Variants in PCNX2 observed in about 807,000 individuals in gnomAD.
PCNX2 encodes the protein pecanex 2.
PCNX2 carries 168 observed loss-of-function variants against 223.8 expected under a neutral mutation model. The observed-to-expected ratio is 0.75, with a 90% CI of 0.66 to 0.85. PCNX2 has a LOEUF of 0.85. PCNX2 is among the 40% of genes least tolerant of loss of function. PCNX2 has a pLI of 0.00. For synonymous variants in PCNX2, 1,006 were observed against 1,052.6 expected (o/e 0.96, Z 0.86); for missense variants, 2,507 against 2,675.5 (o/e 0.94, Z 1.39).
intron 19 of PCNX2, among the ~76,000 whole-genome samples, chr1:233,155,006 T>C (rs977194484): frequency 4.8e-5 from 7 of 147,088 alleles, no homozygotes; most frequent in African/African-American, 1.8e-4. Flanking sequence ...AGGGTGGAAG[T>C]TGGGTGAGCT....
chr1:233,262,787 A>AAT (rs1401875987), intron 2 of PCNX2, among the ~76,000 whole-genome samples, 171 bp downstream of exon 2: 1 of 152,240 alleles, frequency 6.6e-6, no homozygotes, highest in Non-Finnish European at 1.5e-5. Flanking sequence ...CAGTTAAACC[A>AAT]TCTTGATTAT....
chr1:233,100,015 C>T (rs879526302), intron 21 of PCNX2, among the ~76,000 whole-genome samples: 23 of 152,074 alleles, frequency 1.5e-4, no homozygotes, highest in Non-Finnish European at 2.9e-4. Context: ...TAAATCTCAG[C>T]GCTATGAAAA....
chr1:233,109,199 G>A (rs898396697), intron 21 of PCNX2, among the ~76,000 whole-genome samples: 4 of 152,130 alleles, frequency 2.6e-5, no homozygotes, highest in Non-Finnish European at 4.4e-5. Flanking sequence ...GGAAATGTAT[G>A]CACATTTTCA....
chr1:233,173,515 T>G (rs1679284408), intron 17 of PCNX2, among the ~76,000 whole-genome samples: 1 of 152,232 alleles, frequency 6.6e-6, no homozygotes, highest in South Asian at 2.1e-4. Flanking sequence ...TTCTTATGCT[T>G]CTTTCTCAAG....
At chr1:233,268,100 C>T (rs1330317062) in intron 1 of PCNX2, among the ~76,000 whole-genome samples, 1 of 152,114 alleles carries the variant, frequency 6.6e-6, no homozygotes, top group Non-Finnish European at 1.5e-5. Context: ...TTAGTAGAGA[C>T]TAGGTTTCAC....
chr1:233,288,825 TTAC>T, intron 1 of PCNX2: 1 of 679,224 alleles, frequency 1.5e-6, no homozygotes, highest in Non-Finnish European at 2.3e-6. Flanking sequence ...TTTTTTTTTT[TTAC>T]TGTGAATATA....
At chr1:233,309,809 C>T in the PCNX2 span, among the ~76,000 whole-genome samples, 5 of 151,256 alleles carry the variant, frequency 3.3e-5, no homozygotes, top group African/African-American at 9.7e-5. Flanking sequence ...GTCTGGGAGG[C>T]GGTTGTTGCA....
At chr1:233,190,455 G>A (rs1680358016) in intron 15 of PCNX2, among the ~76,000 whole-genome samples, 1 of 152,144 alleles carries the variant, frequency 6.6e-6, no homozygotes, top group Non-Finnish European at 1.5e-5. Flanking sequence ...GAAAACTCAG[G>A]ACGTACAAAG....
chr1:233,316,860 T>C, the PCNX2 span, among the ~76,000 whole-genome samples: 1 of 152,210 alleles, frequency 6.6e-6, no homozygotes, highest in South Asian at 2.1e-4. Context: ...AAATCTAACA[T>C]ACTACATAAT....
chr1:233,303,493 C>T, the PCNX2 span, among the ~76,000 whole-genome samples: 37 of 151,948 alleles, frequency 2.4e-4, no homozygotes, highest in Admixed American at 1.4e-3. Flanking sequence ...CCAGCTTGGG[C>T]GAAAAAGTGG....
chr1:233,001,512 A>G lies in PCNX2; in HGVS notation c.5097+25T>C. On this transcript the variant is annotated intron_variant, in intron 29 of 33. Coordinates refer to ENST00000258229, the MANE Select transcript of PCNX2 (RefSeq NM_014801.4). This position sits in a 1 kb window ranked among gnomAD's most constrained non-coding sequence, Gnocchi z 4.2. ...AATAAATAAATAAATAAATAAATAA[A>G]TAAATAAATAAAATAGGTTTTTACC... 1 of 1,230,658 alleles carries G rather than the reference A, an allele frequency of 8.1e-7. No homozygotes were observed. Among genetic ancestry groups the G allele is most frequent in the South Asian group, 2.9e-5 (1 of 34,574 alleles). The allele number at this position is 1,230,658 out of a possible 1,614,324, so 76.2% of individuals were successfully genotyped here.
chr1:233,295,289 AC>A lies in PCNX2; in HGVS notation c.153+36del. ...GTTCCTTTCTCCTTCTTCCCTCCAT[AC>A]CCACAGCTCCCCGGGACCGGACCCT... On this transcript the variant is annotated intron_variant, in intron 1 of 33. Coordinates refer to ENST00000258229, the MANE Select transcript of PCNX2 (RefSeq NM_014801.4). The surrounding 1 kb of genome is among the most constrained non-coding windows in gnomAD (Gnocchi z 4.1). The A allele has an allele frequency of 6.4e-7, 1 of 1,563,266 alleles. No individual in the cohort carries two copies. Among genetic ancestry groups the A allele is most frequent in the Admixed American group, 1.9e-5 (1 of 52,804 alleles).
At chr1:233,237,817 C>T (rs935695532) in intron 8 of PCNX2, among the ~76,000 whole-genome samples, 3 of 152,130 alleles carry the variant, frequency 2.0e-5, no homozygotes, top group Non-Finnish European at 4.4e-5. Context: ...AGGGAAAAAT[C>T]CTGGTCTTTA....
intron 26 of PCNX2, among the ~76,000 whole-genome samples, chr1:233,020,722 C>G (rs1457857941): frequency 6.6e-6 from 1 of 152,190 alleles, no homozygotes; most frequent in Non-Finnish European, 1.5e-5. Flanking sequence ...GCAGCAGATT[C>G]CTTGACTGCT....
the PCNX2 span, among the ~76,000 whole-genome samples, chr1:233,324,937 A>G: frequency 3.9e-5 from 6 of 152,142 alleles, no homozygotes; most frequent in East Asian, 9.6e-4. Flanking sequence ...TGCTCAGAAA[A>G]AAATGATTCT....
At chr1:233,248,444 T>C (rs921742497) in intron 8 of PCNX2, among the ~76,000 whole-genome samples, 9 of 152,046 alleles carry the variant, frequency 5.9e-5, no homozygotes, top group Admixed American at 1.3e-4. Flanking sequence ...CTGTTCTTGC[T>C]GGACTTAGAT....
chr1:233,286,639 A>G (rs1260797491), intron 1 of PCNX2, among the ~76,000 whole-genome samples: 1 of 152,156 alleles, frequency 6.6e-6, no homozygotes, highest in Non-Finnish European at 1.5e-5. Context: ...GCAAAGACAC[A>G]GCAGCCCTCA....
At chr1:233,157,584 A>C (rs564920287) in intron 19 of PCNX2, among the ~76,000 whole-genome samples, 1 of 152,238 alleles carries the variant, frequency 6.6e-6, no homozygotes. Flanking sequence ...TGCTCCTATG[A>C]GAAAGAATAT....
chr1:233,274,671 C>G (rs772918725), intron 1 of PCNX2, among the ~76,000 whole-genome samples: 2 of 152,150 alleles, frequency 1.3e-5, no homozygotes, highest in Non-Finnish European at 2.9e-5. Context: ...AGAAGTCACA[C>G]ATTTGAAAAC....
Sources: gnomAD v4.1 joint callset for allele counts (sites outside exome capture counted in the v4.1 genomes callset) on GRCh38, gnomAD v4.1.1 for gene constraint, Gnocchi (gnomAD v3.1) non-coding constraint, MANE v1.5 for transcripts, NCBI Gene and HGNC (gene_info 2026-07-23, HGNC 2026-07-21) for gene names.